AK4: variants seen among roughly 807,000 people sequenced by gnomAD.
AK4 encodes adenylate kinase 4, mitochondrial.
A neutral mutation model predicts 24.6 loss-of-function variants in AK4; 13 were observed. That is an observed-to-expected ratio of 0.53 (90% confidence interval 0.34 to 0.84). The LOEUF (loss-of-function observed/expected upper bound fraction) is 0.84. Among genes scored for constraint, AK4 ranks in the 40% least tolerant of loss-of-function variants. The pLI is 0.01. For missense variants in AK4, 192 were observed against 288.2 expected, an observed-to-expected ratio of 0.67 and a Z score of 2.42; for synonymous variants, 88 against 107.0, an observed-to-expected ratio of 0.82 and a Z score of 1.10.
rs1251580508 is a variant in AK4 at position 65,173,688 on chromosome 1, C to T, written c.146-17022C>T. ...TCGAGCCTGGGCGGCATGGTGGAAC[C>T]TCATCTCTACAAAATACAAAAATAA... On this transcript the variant is annotated intron_variant, in intron 1 of 4. Transcript: ENST00000327299. 2.0e-5 allele frequency among the ~76,000 whole-genome samples: 3 copies of T among 152,206 alleles called. No homozygotes were observed. The South Asian group carries it at 6.2e-4, about 32-fold the overall frequency.
chr1:65,178,434 G>A (rs530513109), intron 1 of AK4, among the ~76,000 whole-genome samples: 2 of 152,260 alleles, frequency 1.3e-5, no homozygotes, highest in Admixed American at 1.3e-4. Flanking sequence ...CTTGAAATGT[G>A]TGCATAGCCA....
intron 3 of AK4, 69 bp from the exon 4 acceptor site, chr1:65,224,683 A>G (rs1652398512): frequency 4.7e-6 from 6 of 1,272,334 alleles, no homozygotes; most frequent in Non-Finnish European, 4.6e-6. Flanking sequence ...GGTTTTGCAC[A>G]GAAAAGTTTT....
chr1:65,225,701 A>G (rs1197712048), intron 4 of AK4, among the ~76,000 whole-genome samples: 1 of 152,204 alleles, frequency 6.6e-6, no homozygotes, highest in Non-Finnish European at 1.5e-5. Context: ...TGATACATCA[A>G]TTATGTATTC....
At position 65,160,553 on chromosome 1, in the gene AK4, T is replaced by G. The variant is rs146602735; in HGVS notation, c.145+12001T>G. Among the ~76,000 whole-genome samples, 116 of 152,298 alleles carry G rather than the reference T, an allele frequency of 7.6e-4. 1 individual carries two copies. In the East Asian group the frequency reaches 0.011, roughly 15 times the overall value. On this transcript the variant is annotated intron_variant, in intron 1 of 4. Transcript: ENST00000327299. The stretch of plus-strand genomic sequence containing the variant: ...CAGACTCCCAAGGTGATGAAGCCTC[T>G]TTTATAAGACACAAGACTTAAAACA...
intron 2 of AK4, among the ~76,000 whole-genome samples, chr1:65,196,574 C>T (rs1397177861): frequency 2.0e-5 from 3 of 152,178 alleles, no homozygotes; most frequent in African/African-American, 7.2e-5. Flanking sequence ...AAGCGATTCT[C>T]CTTCCTCAGC....
chr1:65,174,420 T>G (rs1179405174), intron 1 of AK4, among the ~76,000 whole-genome samples: 1 of 152,218 alleles, frequency 6.6e-6, no homozygotes, highest in Non-Finnish European at 1.5e-5. Flanking sequence ...GAATTTCCCT[T>G]TGGCAAAGAC....
In AK4 at chr1:65,203,100, T is replaced by C. The variant is rs535866010; in HGVS notation, c.265+12271T>C. On this transcript the variant is annotated intron_variant, in intron 2 of 4. Transcript: ENST00000327299. ...GTTGCCCAGGCTAGTCTTGAACTCCTATCCTCAAGCAATCCTCCTGTCTCA... is the reference window on the plus strand; with the variant it reads ...GTTGCCCAGGCTAGTCTTGAACTCCCATCCTCAAGCAATCCTCCTGTCTCA... 7.2e-5 allele frequency among the ~76,000 whole-genome samples: 11 copies of C among 152,246 alleles called. No individual in the cohort carries two copies. The South Asian group carries it at 2.1e-3, about 29-fold the overall frequency.
chr1:65,217,442 T>G (rs1339302314), intron 2 of AK4, among the ~76,000 whole-genome samples: 1 of 152,240 alleles, frequency 6.6e-6, no homozygotes, highest in African/African-American at 2.4e-5. Context: ...GTTTCTCTTC[T>G]GGATGTTGCA....
Position 65,231,511 on chromosome 1 carries a change from G to A in AK4, c.*5334G>A, listed in dbSNP as rs1164347727. 1 of 152,138 alleles carries A rather than the reference G, an allele frequency of 6.6e-6. No homozygotes were observed. Among genetic ancestry groups the A allele is most frequent in the East Asian group, 1.9e-4 (1 of 5,194 alleles). The allele number at this position is 152,138 out of a possible 1,614,324, so 9.4% of individuals were successfully genotyped here. A position where few individuals can be genotyped will look rare whatever the true frequency, so the allele number is the denominator to read the frequency against. On this transcript the variant is annotated 3_prime_UTR_variant, in exon 5 of 5. Transcript: ENST00000327299. ...GCTTTCCTGTTTAAAGCTTTTCAAA[G>A]GAGCAGACCACCTTGAAGATTCCCC...
intron 2 of AK4, among the ~76,000 whole-genome samples, chr1:65,192,524 C>G (rs1651338422): frequency 2.0e-5 from 3 of 152,182 alleles, no homozygotes; most frequent in African/African-American, 7.2e-5. Flanking sequence ...CCCACCTCCC[C>G]CTCCAAAACA....
intron 1 of AK4, among the ~76,000 whole-genome samples, chr1:65,186,406 G>A (rs1651102065): frequency 6.6e-6 from 1 of 152,212 alleles, no homozygotes; most frequent in Non-Finnish European, 1.5e-5. Flanking sequence ...TGGGATTACA[G>A]GCACGAACCA....
intron 1 of AK4, among the ~76,000 whole-genome samples, chr1:65,156,621 G>T (rs1484923192): frequency 6.6e-6 from 1 of 151,998 alleles, no homozygotes; most frequent in South Asian, 2.1e-4. Flanking sequence ...AAATGGATTT[G>T]AAATTAAAAT....
Position 65,180,539 on chromosome 1 carries a change from C to G in AK4, c.146-10171C>G, listed in dbSNP as rs78472392. On this transcript the variant is annotated intron_variant, in intron 1 of 4. Coordinates refer to ENST00000327299, the MANE Select transcript of AK4 (RefSeq NM_013410.4). ...AGAGTTTCTTCCATGATTTCTGCCT[C>G]TAAAGGACTTTGACATCTATTTTTT... Among the ~76,000 whole-genome samples the G allele has an allele frequency of 4.1e-3, 625 of 152,286 alleles. 5 individuals are homozygous for G. Among genetic ancestry groups the G allele is most frequent in the African/African-American group, 0.014 (589 of 41,558 alleles).
chr1:65,166,778 C>T (rs1650346642), intron 1 of AK4, among the ~76,000 whole-genome samples: 1 of 152,230 alleles, frequency 6.6e-6, no homozygotes, highest in South Asian at 2.1e-4. Context: ...ACTTTGGCCT[C>T]CCACAGTGTT....
chr1:65,218,098 T>C (rs1253123633), intron 2 of AK4, among the ~76,000 whole-genome samples: 1 of 152,248 alleles, frequency 6.6e-6, no homozygotes, highest in Non-Finnish European at 1.5e-5. Context: ...ATAGTCACCA[T>C]GCTGTTAATC....
At chr1:65,167,519 C>G (rs537473588) in intron 1 of AK4, among the ~76,000 whole-genome samples, 1 of 148,564 alleles carries the variant, frequency 6.7e-6, no homozygotes, top group South Asian at 2.1e-4. Context: ...AAAAAAAGAT[C>G]AAGGATCTAG....
At chr1:65,199,107 A>G (rs995704273) in intron 2 of AK4, among the ~76,000 whole-genome samples, 4 of 149,692 alleles carry the variant, frequency 2.7e-5, no homozygotes, top group African/African-American at 5.0e-5. Flanking sequence ...AAAAAAAAGA[A>G]TTTGGGCAGT....
At chr1:65,198,228 A>G (rs1488985325) in intron 2 of AK4, among the ~76,000 whole-genome samples, 1 of 152,190 alleles carries the variant, frequency 6.6e-6, no homozygotes, top group East Asian at 1.9e-4. Flanking sequence ...GGTGATTTCT[A>G]AAGAATGAAG....
chr1:65,172,063 GTA>G (rs3051712), intron 1 of AK4, among the ~76,000 whole-genome samples: 1,190 of 65,628 alleles, frequency 0.018, 31 homozygotes, highest in East Asian at 0.025. Flanking sequence ...TCCATCTCAA[GTA>G]TATATATATA....
Sources: allele counts gnomAD v4.1 joint callset (sites outside exome capture counted in the v4.1 genomes callset), GRCh38; gene constraint gnomAD v4.1.1; transcripts MANE v1.5; gene names NCBI Gene and HGNC (gene_info 2026-07-23, HGNC 2026-07-21).